Variants in TNFSF4 observed in about 807,000 individuals in gnomAD.
TNFSF4 encodes TNF superfamily member 4.
A neutral mutation model predicts 7.3 loss-of-function variants in TNFSF4; 4 were observed. The ratio of observed to expected loss-of-function variants is 0.55; its 90% CI spans 0.27 to 1.25. The LOEUF (loss-of-function observed/expected upper bound fraction) is 1.25. TNFSF4 is among the 50% of genes most tolerant of loss of function. The probability of loss-of-function intolerance (pLI) is 0.12; values close to 1 mark genes in which losing one functional copy is unlikely to be tolerated. For missense variants in TNFSF4, 181 were observed against 208.8 expected, an observed-to-expected ratio of 0.87 and a Z score of 0.82; for synonymous variants, 76 against 83.7, an observed-to-expected ratio of 0.91 and a Z score of 0.50.
chr1:173,220,065 G>T, the TNFSF4 span, among the ~76,000 whole-genome samples: 2 of 151,250 alleles, frequency 1.3e-5, no homozygotes, highest in Non-Finnish European at 2.9e-5. Context: ...AAATTGTAAA[G>T]ACTAAAAAAA....
intron 1 of TNFSF4, among the ~76,000 whole-genome samples, chr1:173,191,551 T>A (rs1001026152): frequency 8.5e-5 from 13 of 152,134 alleles, no homozygotes; most frequent in Non-Finnish European, 1.6e-4. Flanking sequence ...AGAGCCTGGC[T>A]CCAACCTCAT....
the TNFSF4 span, among the ~76,000 whole-genome samples, chr1:173,280,530 C>G: frequency 5.9e-5 from 9 of 152,166 alleles, no homozygotes; most frequent in Middle Eastern, 3.4e-3. Context: ...CCTCCTCATT[C>G]AAATCATTGT....
chr1:173,359,373 T>C, the TNFSF4 span, among the ~76,000 whole-genome samples: 1 of 151,656 alleles, frequency 6.6e-6, no homozygotes, highest in East Asian at 1.9e-4. Flanking sequence ...GTGTTAGGTG[T>C]TTGGAATAAA....
chr1:173,247,944 C>A, the TNFSF4 span, among the ~76,000 whole-genome samples: 2 of 152,018 alleles, frequency 1.3e-5, no homozygotes, highest in Non-Finnish European at 2.9e-5. Context: ...AGTTCAAAGC[C>A]CTTGTAGCCT....
At chr1:173,389,825 T>C in the TNFSF4 span, among the ~76,000 whole-genome samples, 1 of 152,188 alleles carries the variant, frequency 6.6e-6, no homozygotes, top group African/African-American at 2.4e-5. Context: ...ACTACTATAT[T>C]GTTCTAGAAG....
At chr1:173,176,704 C>T in the TNFSF4 span, among the ~76,000 whole-genome samples, 1 of 152,074 alleles carries the variant, frequency 6.6e-6, no homozygotes, top group Non-Finnish European at 1.5e-5. Context: ...TTCACAATAG[C>T]AAAGACATGG....
At chr1:173,436,232 C>A in the TNFSF4 span, among the ~76,000 whole-genome samples, 1 of 152,208 alleles carries the variant, frequency 6.6e-6, no homozygotes, top group East Asian at 1.9e-4. Flanking sequence ...AAGAAGTAAC[C>A]AGAAGCGAAG....
the TNFSF4 span, among the ~76,000 whole-genome samples, chr1:173,409,587 T>C: frequency 2.0e-5 from 3 of 152,184 alleles, no homozygotes; most frequent in African/African-American, 4.8e-5. Context: ...AAAAATTAAA[T>C]TGAAAGTCAT....
the TNFSF4 span, among the ~76,000 whole-genome samples, chr1:173,420,795 C>T: frequency 1.3e-5 from 2 of 152,202 alleles, no homozygotes; most frequent in Non-Finnish European, 2.9e-5. Flanking sequence ...TCTTTCTCTT[C>T]CTCAAATTAT....
the TNFSF4 span, among the ~76,000 whole-genome samples, chr1:173,221,728 C>A: frequency 6.6e-6 from 1 of 152,184 alleles, no homozygotes; most frequent in Non-Finnish European, 1.5e-5. Flanking sequence ...TTCTTTTACT[C>A]ATTTTATAGA....
the TNFSF4 span, among the ~76,000 whole-genome samples, chr1:173,355,042 C>T: frequency 6.6e-6 from 1 of 152,208 alleles, no homozygotes; most frequent in Non-Finnish European, 1.5e-5. Context: ...CTGCTGGAGG[C>T]TCTGGGAGAT....
the TNFSF4 span, among the ~76,000 whole-genome samples, chr1:173,289,993 G>C: frequency 6.6e-6 from 1 of 151,646 alleles, no homozygotes; most frequent in African/African-American, 2.4e-5. Context: ...CATTTTCCAA[G>C]GTATTGTGAA....
chr1:173,245,423 A>G, the TNFSF4 span, among the ~76,000 whole-genome samples: 1 of 152,170 alleles, frequency 6.6e-6, no homozygotes. Context: ...GCAAAATGAC[A>G]AGCTCTTTAT....
At chr1:173,331,394 A>G in the TNFSF4 span, among the ~76,000 whole-genome samples, 1 of 152,346 alleles carries the variant, frequency 6.6e-6, no homozygotes, top group South Asian at 2.1e-4. Flanking sequence ...ACAATGACGC[A>G]TCTTCAAGAG....
intron 2 of TNFSF4, among the ~76,000 whole-genome samples, chr1:173,187,917 C>T (rs1649301481): frequency 6.6e-6 from 1 of 152,194 alleles, no homozygotes; most frequent in African/African-American, 2.4e-5. Context: ...TTGCTTTGTA[C>T]CAGTCCAGAG....
At chr1:173,341,031 G>C in the TNFSF4 span, among the ~76,000 whole-genome samples, 1 of 152,026 alleles carries the variant, frequency 6.6e-6, no homozygotes, top group Non-Finnish European at 1.5e-5. Flanking sequence ...TTTTATAAGG[G>C]GCTTTTCCCT....
At chr1:173,357,816 G>A in the TNFSF4 span, among the ~76,000 whole-genome samples, 1 of 152,074 alleles carries the variant, frequency 6.6e-6, no homozygotes, top group African/African-American at 2.4e-5. Flanking sequence ...ATTACAGGCG[G>A]GAGCCACTGC....
chr1:173,423,933 G>C, the TNFSF4 span, among the ~76,000 whole-genome samples: 1 of 152,162 alleles, frequency 6.6e-6, no homozygotes, highest in Non-Finnish European at 1.5e-5. Context: ...GCTGGAAACG[G>C]CCTGGTCTCT....
At chr1:173,300,560 T>C in the TNFSF4 span, among the ~76,000 whole-genome samples, 1 of 151,884 alleles carries the variant, frequency 6.6e-6, no homozygotes, top group Non-Finnish European at 1.5e-5. Context: ...GCCCAAATGG[T>C]ACTGGATTTT....
Sources: allele counts gnomAD v4.1 joint callset (sites outside exome capture counted in the v4.1 genomes callset), GRCh38; gene constraint gnomAD v4.1.1; transcripts MANE v1.5; gene names NCBI Gene and HGNC (gene_info 2026-07-23, HGNC 2026-07-21).